The following ZDHHC2 variants were observed in gnomAD, a reference collection of about 807,000 sequenced individuals.
ZDHHC2 encodes the protein zDHHC palmitoyltransferase 2.
A neutral mutation model predicts 55.6 loss-of-function variants in ZDHHC2; 51 were observed. The ratio of observed to expected loss-of-function variants is 0.92; its 90% CI spans 0.73 to 1.16. ZDHHC2 has a LOEUF of 1.16. Among genes scored for constraint, ZDHHC2 ranks in the 50% most tolerant of loss-of-function variants. ZDHHC2 has a pLI of 0.00. For synonymous variants in ZDHHC2, 199 were observed against 152.9 expected (o/e 1.30, Z -2.22); for missense variants, 491 against 442.4 (o/e 1.11, Z -0.99).
At chr8:17,183,503 C>T (rs556843903) in intron 1 of ZDHHC2, among the ~76,000 whole-genome samples, 2 of 152,310 alleles carry the variant, frequency 1.3e-5, no homozygotes, top group South Asian at 4.1e-4. Flanking sequence ...GAAGGTCATC[C>T]AGGCCTGCCT....
At chr8:17,189,527 G>T (rs953071587) in intron 3 of ZDHHC2, among the ~76,000 whole-genome samples, 1 of 152,246 alleles carries the variant, frequency 6.6e-6, no homozygotes, top group Non-Finnish European at 1.5e-5. Flanking sequence ...GTGACTAAAA[G>T]TAGGGAAGAA....
intron 5 of ZDHHC2, among the ~76,000 whole-genome samples, chr8:17,197,894 C>G (rs1229753777): frequency 1.3e-5 from 2 of 152,178 alleles, no homozygotes; most frequent in Non-Finnish European, 2.9e-5. Flanking sequence ...GCAGTTCTGA[C>G]TTGGCTGGTT....
intron 1 of ZDHHC2, 60 bp downstream of exon 1, chr8:17,156,913 G>A: frequency 7.0e-7 from 1 of 1,420,772 alleles, no homozygotes; most frequent in Non-Finnish European, 9.2e-7. Flanking sequence ...GACTGTCCCG[G>A]GACGCTCAGC....
chr8:17,177,664 TTAAAGA>T (rs1469147855), intron 1 of ZDHHC2, among the ~76,000 whole-genome samples: 5 of 152,012 alleles, frequency 3.3e-5, no homozygotes, highest in African/African-American at 4.8e-5. Flanking sequence ...AATAAATGAG[TTAAAGA>T]TAAACAGAAA....
intron 1 of ZDHHC2, among the ~76,000 whole-genome samples, chr8:17,175,260 A>G (rs1320904210): frequency 6.6e-6 from 1 of 152,162 alleles, no homozygotes; most frequent in Non-Finnish European, 1.5e-5. Context: ...TGGGGTTGAC[A>G]GGAAAGGAGC....
At chr8:17,189,769 A>G (rs1215846351) in intron 3 of ZDHHC2, among the ~76,000 whole-genome samples, 1 of 152,240 alleles carries the variant, frequency 6.6e-6, no homozygotes, top group Non-Finnish European at 1.5e-5. Flanking sequence ...AGTCAAATCG[A>G]TGACAGTGAC....
At chr8:17,211,168 T>C (rs193060558) in intron 10 of ZDHHC2, among the ~76,000 whole-genome samples, 156 of 152,354 alleles carry the variant, frequency 1.0e-3, no homozygotes, top group Non-Finnish European at 7.1e-4. Context: ...ACTTTTAAAA[T>C]GCTATGTATG....
chr8:17,187,631 T>C (rs1246146282), intron 3 of ZDHHC2, among the ~76,000 whole-genome samples: 5 of 152,150 alleles, frequency 3.3e-5, no homozygotes, highest in Non-Finnish European at 7.3e-5. Context: ...TCTTTTTTTT[T>C]CCTTCCTCCT....
At chr8:17,181,953 C>G (rs1372282988) in intron 1 of ZDHHC2, among the ~76,000 whole-genome samples, 2 of 152,082 alleles carry the variant, frequency 1.3e-5, no homozygotes, top group Non-Finnish European at 2.9e-5. Flanking sequence ...TGTGTTTTTA[C>G]TCTGTGAGAA....
At chr8:17,167,078 A>C (rs777198785) in intron 1 of ZDHHC2, among the ~76,000 whole-genome samples, 7 of 152,212 alleles carry the variant, frequency 4.6e-5, no homozygotes, top group African/African-American at 1.7e-4. Flanking sequence ...TAGCCCTGGT[A>C]TCTAACACAG....
At chr8:17,214,633 G>A (rs566600340) in intron 10 of ZDHHC2, among the ~76,000 whole-genome samples, 8 of 152,236 alleles carry the variant, frequency 5.3e-5, no homozygotes, top group Non-Finnish European at 7.4e-5. Context: ...AATAGGCCCG[G>A]TGTGGTGGCC....
chr8:17,212,560 C>T (rs1249489782), intron 10 of ZDHHC2, among the ~76,000 whole-genome samples: 3 of 152,162 alleles, frequency 2.0e-5, no homozygotes, highest in Non-Finnish European at 4.4e-5. Flanking sequence ...TTTCTAACCA[C>T]CTCCAAGGCA....
At chr8:17,183,650 A>G (rs933745305) in intron 1 of ZDHHC2, among the ~76,000 whole-genome samples, 1 of 152,224 alleles carries the variant, frequency 6.6e-6, no homozygotes, top group African/African-American at 2.4e-5. Flanking sequence ...GGGGGACACT[A>G]TAACATCAAA....
chr8:17,203,335 C>G (rs1806911744), intron 6 of ZDHHC2, among the ~76,000 whole-genome samples: 1 of 152,024 alleles, frequency 6.6e-6, no homozygotes, highest in Non-Finnish European at 1.5e-5. Context: ...GGTTCAAGTG[C>G]TTCTCCTGCC....
intron 6 of ZDHHC2, among the ~76,000 whole-genome samples, chr8:17,199,509 T>TTCGTCTTCTTCTTCGTCTTCG (rs1554466016): frequency 2.4e-4 from 29 of 121,208 alleles, no homozygotes; most frequent in African/African-American, 1.0e-3. Flanking sequence ...CTTCTTCTTC[T>TTCGTCTTCTTCTTCGTCTTCG]TCTTCGTCTT....
chr8:17,183,231 C>T (rs1471053733), intron 1 of ZDHHC2, among the ~76,000 whole-genome samples: 1 of 152,170 alleles, frequency 6.6e-6, no homozygotes, highest in East Asian at 1.9e-4. Flanking sequence ...CTTTTCCTTT[C>T]CTTAGATTGG....
intron 1 of ZDHHC2, among the ~76,000 whole-genome samples, chr8:17,171,930 T>C (rs1020335484): frequency 1.3e-5 from 2 of 151,876 alleles, no homozygotes; most frequent in Admixed American, 6.6e-5. Context: ...GACTCCATCT[T>C]GGTTCTTTCA....
At chr8:17,169,136 G>A (rs941060580) in intron 1 of ZDHHC2, among the ~76,000 whole-genome samples, 2 of 152,078 alleles carry the variant, frequency 1.3e-5, no homozygotes, top group Non-Finnish European at 2.9e-5. Flanking sequence ...TTTGATGCAG[G>A]TGTCACCCAG....
In ZDHHC2 at chr8:17,156,586, A is replaced by G; in HGVS notation, c.-138A>G. 1 of 559,358 alleles carries G rather than the reference A, an allele frequency of 1.8e-6. No homozygotes were observed. Among genetic ancestry groups the G allele is most frequent in the Non-Finnish European group, 2.3e-6 (1 of 436,844 alleles). The allele number at this position is 559,358 out of a possible 1,614,324, so 34.6% of individuals were successfully genotyped here. A position where few individuals can be genotyped will look rare whatever the true frequency, so the allele number is the denominator to read the frequency against. On this transcript the variant is annotated 5_prime_UTR_variant, in exon 1 of 13. Coordinates refer to ENST00000262096, the MANE Select transcript of ZDHHC2 (RefSeq NM_016353.5). The stretch of plus-strand genomic sequence containing the variant: ...GGCTGCGGGATGGGGAGTTAGCGCC[A>G]CGGCGGCGGCAGTGGCCGCAGCGCA...
Sources: gnomAD v4.1 joint callset for allele counts (sites outside exome capture counted in the v4.1 genomes callset) on GRCh38, gnomAD v4.1.1 for gene constraint, MANE v1.5 for transcripts, NCBI Gene and HGNC (gene_info 2026-07-23, HGNC 2026-07-21) for gene names.